NRXN1: variants seen among roughly 807,000 people sequenced by gnomAD.
NRXN1 encodes neurexin 1.
NRXN1 carries 39 observed loss-of-function variants against 150.9 expected under a neutral mutation model. That is an observed-to-expected ratio of 0.26 (90% CI 0.20 to 0.34). The LOEUF (loss-of-function observed/expected upper bound fraction) is 0.34, where lower values mean the gene tolerates loss of function less well. Ranked by LOEUF, NRXN1 falls within the 10% of genes least tolerant of loss-of-function variation. The pLI is 1.00. For synonymous variants in NRXN1, 924 were observed against 757.0 expected (o/e 1.22, Z -3.62); for missense variants, 1,815 against 1,949.9 (o/e 0.93, Z 1.30).
chr2:50,180,796 C>CA (rs1297423404), intron 18 of NRXN1, among the ~76,000 whole-genome samples: 1 of 152,022 alleles, frequency 6.6e-6, no homozygotes, highest in Non-Finnish European at 1.5e-5. Flanking sequence ...GTTATAGCAG[C>CA]AAAAATGGAC....
intron 17 of NRXN1, among the ~76,000 whole-genome samples, chr2:50,293,306 C>T (rs1316770751): frequency 2.0e-5 from 3 of 152,088 alleles, no homozygotes; most frequent in Non-Finnish European, 2.9e-5. Context: ...GTTATATACA[C>T]CAGTGATAGT....
At chr2:50,873,810 A>G (rs1010095175) in intron 5 of NRXN1, among the ~76,000 whole-genome samples, 2 of 151,844 alleles carry the variant, frequency 1.3e-5, no homozygotes, top group African/African-American at 4.8e-5. Flanking sequence ...AGAGCTGGTC[A>G]TTGGAGATTT....
chr2:50,200,290 G>A (rs1303283564), intron 18 of NRXN1, among the ~76,000 whole-genome samples: 5 of 151,992 alleles, frequency 3.3e-5, no homozygotes, highest in African/African-American at 7.2e-5. Context: ...ATAACTACCT[G>A]CAAACTTAGT....
At chr2:50,927,621 T>C (rs1687099801) in intron 2 of NRXN1, among the ~76,000 whole-genome samples, 1 of 151,996 alleles carries the variant, frequency 6.6e-6, no homozygotes, top group South Asian at 2.1e-4. Context: ...AAGATATAAA[T>C]TATTGTAATG....
intron 18 of NRXN1, among the ~76,000 whole-genome samples, chr2:50,185,365 G>T (rs2060997900): frequency 6.6e-6 from 1 of 151,966 alleles, no homozygotes; most frequent in Non-Finnish European, 1.5e-5. Context: ...GATTTAACTT[G>T]CTATTACCAT....
chr2:50,828,358 C>T (rs1670825617), intron 5 of NRXN1, among the ~76,000 whole-genome samples: 1 of 149,580 alleles, frequency 6.7e-6, no homozygotes, highest in African/African-American at 2.5e-5. Context: ...GGGCGGCTGG[C>T]CTGGCGGGGG....
At chr2:50,895,711 G>T (rs879465810) in intron 5 of NRXN1, among the ~76,000 whole-genome samples, 2 of 151,776 alleles carry the variant, frequency 1.3e-5, no homozygotes, top group Admixed American at 1.3e-4. Flanking sequence ...CTCCCAAGTA[G>T]CTGGGATTAC....
intron 17 of NRXN1, among the ~76,000 whole-genome samples, chr2:50,291,014 A>G (rs2072855823): frequency 6.6e-6 from 1 of 152,074 alleles, no homozygotes; most frequent in Non-Finnish European, 1.5e-5. Context: ...TGACACCAGC[A>G]TATTTCTATT....
intron 21 of NRXN1, among the ~76,000 whole-genome samples, chr2:50,017,098 T>C (rs963177552): frequency 3.3e-5 from 5 of 152,204 alleles, no homozygotes; most frequent in African/African-American, 1.2e-4. Context: ...TGACATCTAA[T>C]CAGCATTTTA....
intron 5 of NRXN1, among the ~76,000 whole-genome samples, chr2:50,719,300 T>C (rs1309771636): frequency 6.6e-6 from 1 of 151,726 alleles, no homozygotes; most frequent in African/African-American, 2.4e-5. Context: ...GTTTGGTCAG[T>C]ATCATCAGTA....
At chr2:49,965,642 CTT>C (rs1355602600) in intron 21 of NRXN1, among the ~76,000 whole-genome samples, 2 of 152,114 alleles carry the variant, frequency 1.3e-5, no homozygotes, top group East Asian at 3.9e-4. Flanking sequence ...CTACTATAGA[CTT>C]TCACACTGAT....
At chr2:50,763,272 G>T (rs1702017662) in intron 5 of NRXN1, among the ~76,000 whole-genome samples, 1 of 151,840 alleles carries the variant, frequency 6.6e-6, no homozygotes, top group South Asian at 2.1e-4. Context: ...TTTGGACTGT[G>T]GATTTTCAAC....
chr2:50,347,753 A>C lies in NRXN1; in HGVS notation c.3365-110783T>G. On this transcript the variant is annotated intron_variant, in intron 17 of 22. Coordinates refer to ENST00000401669, the MANE Select transcript of NRXN1 (RefSeq NM_001330078.2). The surrounding 1 kb of genome is among the most constrained non-coding windows in gnomAD (Gnocchi z 4.9). ...CAGAAAAAGAAAAAGAAAAAGAAAAAAAGAAAAGAAAAACCACACACGCTG... is the reference window on the plus strand; with the variant it reads ...CAGAAAAAGAAAAAGAAAAAGAAAACAAGAAAAGAAAAACCACACACGCTG... 1.0e-6 allele frequency: 1 copy of C among 986,482 alleles called. No individual in the cohort carries two copies. The highest frequency in any genetic ancestry group is 1.2e-6 in the Non-Finnish European group (1 of 830,718). The allele number at this position is 986,482 out of a possible 1,614,324, so 61.1% of individuals were successfully genotyped here.
chr2:50,371,694 A>G (rs2080039914), intron 17 of NRXN1, among the ~76,000 whole-genome samples: 1 of 152,024 alleles, frequency 6.6e-6, no homozygotes, highest in South Asian at 2.1e-4. Context: ...GTGCATTTTT[A>G]TGGAAAGTGG....
chr2:50,983,943 A>T (rs1240690721), intron 2 of NRXN1, among the ~76,000 whole-genome samples: 1 of 151,652 alleles, frequency 6.6e-6, no homozygotes, highest in Non-Finnish European at 1.5e-5. Flanking sequence ...CAAACATTCA[A>T]AGCATTTTTT....
intron 22 of NRXN1, among the ~76,000 whole-genome samples, chr2:49,927,024 G>A (rs1171523416): frequency 2.0e-5 from 3 of 152,142 alleles, no homozygotes; most frequent in African/African-American, 7.2e-5. Context: ...TATCCTTGTA[G>A]GGGCCCTCCC....
chr2:50,539,786 T>C (rs1387387272), intron 9 of NRXN1, among the ~76,000 whole-genome samples: 1 of 152,086 alleles, frequency 6.6e-6, no homozygotes, highest in Non-Finnish European at 1.5e-5. Context: ...GGCATGGGTA[T>C]AGAACCTCAG....
intron 8 of NRXN1, among the ~76,000 whole-genome samples, chr2:50,562,329 C>CGGTAGATA (rs1553795477): frequency 1.3e-5 from 2 of 149,908 alleles, no homozygotes; most frequent in African/African-American, 4.9e-5. Flanking sequence ...GATAGATATA[C>CGGTAGATA]GATAGATAGA....
chr2:50,219,386 G>A (rs2063639295), intron 18 of NRXN1, among the ~76,000 whole-genome samples: 1 of 149,810 alleles, frequency 6.7e-6, no homozygotes, highest in Admixed American at 6.7e-5. Context: ...CTCTTAGACA[G>A]TCAGAACATG....
Sources: allele counts gnomAD v4.1 joint callset (sites outside exome capture counted in the v4.1 genomes callset), GRCh38; gene constraint gnomAD v4.1.1; non-coding constraint Gnocchi (gnomAD v3.1); transcripts MANE v1.5; gene names NCBI Gene and HGNC (gene_info 2026-07-23, HGNC 2026-07-21).